The following ENO4 variants were observed in gnomAD, a reference collection of about 807,000 sequenced individuals.
ENO4 encodes the protein 2-phospho-D-glycerate hydro-lyase.
In ENO4, 53 loss-of-function variants were observed where a neutral mutation model predicts 63.2. The ratio of observed to expected loss-of-function variants is 0.84; its 90% confidence interval spans 0.67 to 1.05. The LOEUF is 1.05. ENO4 is among the 50% of genes least tolerant of loss of function. The pLI is 0.00. For missense variants in ENO4, 719 were observed against 772.0 expected, an observed-to-expected ratio of 0.93 and a Z score of 0.81; for synonymous variants, 266 against 283.8, an observed-to-expected ratio of 0.94 and a Z score of 0.63.
chr10:116,868,184 G>A (rs1405688423), intron 7 of ENO4, among the ~76,000 whole-genome samples: 1 of 152,190 alleles, frequency 6.6e-6, no homozygotes, highest in Admixed American at 6.5e-5. Context: ...CCCTGCAGGA[G>A]AAAGTGTTTG....
intron 10 of ENO4, among the ~76,000 whole-genome samples, chr10:116,904,578 C>A (rs946644463): frequency 6.6e-5 from 10 of 152,056 alleles, no homozygotes; most frequent in Admixed American, 3.3e-4. Flanking sequence ...AACGATTCTA[C>A]TGAAAATGTA....
downstream of ENO4, chr10:116,884,160 TA>T (rs2133290802): frequency 2.2e-6 from 1 of 453,758 alleles, no homozygotes; most frequent in South Asian, 1.6e-5. Flanking sequence ...AAGCAGGACG[TA>T]TGTAAGTTTT....
At chr10:116,858,150 C>T (rs779604707) in intron 3 of ENO4, among the ~76,000 whole-genome samples, 30 of 152,082 alleles carry the variant, frequency 2.0e-4, no homozygotes, top group Admixed American at 6.6e-4. Flanking sequence ...TTCTGTAGAC[C>T]AACTACAGAG....
chr10:116,879,101 C>G (rs1334731969), intron 11 of ENO4, among the ~76,000 whole-genome samples, 190 bp from the exon 12 acceptor site: 1 of 152,016 alleles, frequency 6.6e-6, no homozygotes, highest in African/African-American at 2.4e-5. Context: ...AGCATCTAAG[C>G]TACTGAAATT....
chr10:116,881,541 T>TA lies in ENO4; in HGVS notation c.1751dup (p.Tyr584Ter). ...LGFKEEHTFF[Y>*]FNEEAEKAAE... ...TTTCAAAGAAGAACACACTTTTTTT[T>TA]ACTTTAATGAGGAAGCTGAAAAGGC... is the stretch of plus-strand genomic sequence containing the variant. Residue 584 changes from tyrosine (Y) to a stop codon, truncating the protein, a stop_gained and frameshift_variant, in exon 14 of 14, where the codon TAC (tyrosine) becomes TAAC (stop). Transcript: ENST00000341276. LOFTEE classifies it low-confidence loss of function (END_TRUNC). 1 of 1,546,126 alleles carries TA rather than the reference T, an allele frequency of 6.5e-7. No individual in the cohort carries two copies.
chr10:116,873,795 C>T, intron 9 of ENO4: 1 of 836,194 alleles, frequency 1.2e-6, no homozygotes, highest in South Asian at 5.5e-5. Context: ...GATTATTCCC[C>T]TCCTACTCTG....
intron 13 of ENO4, among the ~76,000 whole-genome samples, chr10:116,880,239 A>G (rs924696121): frequency 1.3e-5 from 2 of 152,204 alleles, no homozygotes; most frequent in African/African-American, 4.8e-5. Flanking sequence ...AATAGAATTA[A>G]TTGATTGGAA....
intron 10 of ENO4, among the ~76,000 whole-genome samples, chr10:116,902,232 C>T (rs553930225): frequency 1.8e-4 from 28 of 152,286 alleles, no homozygotes; most frequent in Non-Finnish European, 2.9e-4. Flanking sequence ...CAGGGTCCTT[C>T]GTAATACTGG....
rs1210064873 is a variant in ENO4, at chr10:116,856,669, G to A, written c.472G>A (p.Asp158Asn). The A allele has an allele frequency of 3.3e-6, 5 of 1,529,738 alleles. No individual in the cohort carries two copies. The highest frequency in any genetic ancestry group is 4.4e-6 in the Non-Finnish European group (5 of 1,144,354). The allele number at this position is 1,529,738 out of a possible 1,614,324, so 94.8% of individuals were successfully genotyped here. A position where few individuals can be genotyped will look rare whatever the true frequency, so the allele number is the denominator to read the frequency against. The part of the protein sequence containing the change: ...GMAPSDQAEV[D>N]HLLRIFFASK... ...GGCACCCTCTGACCAGGCAGAGGTGGATCACCTACTCAGGTACAGTTTCCA... is the reference window on the plus strand; with the variant it reads ...GGCACCCTCTGACCAGGCAGAGGTGAATCACCTACTCAGGTACAGTTTCCA... Residue 158 changes from aspartate (D) to asparagine (N), a missense_variant, in exon 3 of 14, where the codon GAT becomes AAT. Around this residue, in one of 3 missense-constraint regions of ENO4, gnomAD observed 544 missense variants for 583.6 expected, o/e 0.93. Coordinates refer to ENST00000341276, the MANE Select transcript of ENO4 (RefSeq NM_001242699.2).
At chr10:116,886,210 T>C (rs928123225), downstream of ENO4, 2 of 1,250,614 alleles carry the variant, frequency 1.6e-6, no homozygotes, top group East Asian at 2.5e-5. Context: ...CTTACAAAAG[T>C]GACACCAGAA....
At chr10:116,873,907 T>C in intron 9 of ENO4, 169 bp from the exon 10 acceptor site, 1 of 982,242 alleles carries the variant, frequency 1.0e-6, no homozygotes, top group Non-Finnish European at 1.2e-6. Flanking sequence ...GGTTAATATT[T>C]AAGATATTTA....
intron 10 of ENO4, among the ~76,000 whole-genome samples, chr10:116,874,444 C>T (rs1846776186): frequency 2.0e-5 from 3 of 152,096 alleles, no homozygotes; most frequent in Admixed American, 1.3e-4. Flanking sequence ...ACACAATTAC[C>T]TAGGAGTGTG....
chr10:116,855,570 C>T (rs1846237889), intron 1 of ENO4, 53 bp from the exon 2 acceptor site: 1 of 1,533,850 alleles, frequency 6.5e-7, no homozygotes, highest in African/African-American at 1.4e-5. Flanking sequence ...TGACTTTTTT[C>T]CCCAAACAAC....
At chr10:116,904,666 C>T (rs1012573171) in intron 10 of ENO4, among the ~76,000 whole-genome samples, 1 of 152,068 alleles carries the variant, frequency 6.6e-6, no homozygotes, top group Non-Finnish European at 1.5e-5. Flanking sequence ...GAAAAATTCC[C>T]ACCATGTTCA....
In ENO4 at chr10:116,869,904, G is replaced by GGTC. The variant is rs1846643430; in HGVS notation, c.1047+1198_1047+1199insGTC. ...AACTTAGTTAACTCCGTAAAATGGAGATCATAATATCTTTGTATGATGTAA... is the reference window on the plus strand; with the variant it reads ...AACTTAGTTAACTCCGTAAAATGGAGGTCATCATAATATCTTTGTATGATGTAA... On this transcript the variant is annotated intron_variant, in intron 8 of 13. Coordinates refer to ENST00000341276, the MANE Select transcript of ENO4 (RefSeq NM_001242699.2). Among the ~76,000 whole-genome samples the GGTC allele has an allele frequency of 1.6e-3, 3 of 1,842 alleles. No homozygotes were observed. In the Admixed American group the frequency reaches 0.029, roughly 18 times the overall value. 1.2% of individuals were successfully genotyped at this position (1,842 alleles called of 152,430 possible).
downstream of ENO4, chr10:116,886,262 T>C (rs1384185944): frequency 6.5e-6 from 10 of 1,535,970 alleles, no homozygotes; most frequent in South Asian, 3.6e-5. Context: ...GCAGAATGTC[T>C]ACAGCCCTTG....
chr10:116,861,649 A>G (rs1393647482), intron 6 of ENO4, among the ~76,000 whole-genome samples: 1 of 152,136 alleles, frequency 6.6e-6, no homozygotes, highest in African/African-American at 2.4e-5. Flanking sequence ...CAGGTTCACC[A>G]CTCAGAGGTG....
chr10:116,881,525 A>C lies in ENO4; in HGVS notation c.1734A>C (p.Glu578Asp). Residue 578 changes from glutamate (E) to aspartate (D), a missense_variant, in exon 14 of 14, where the codon GAA (glutamate) becomes GAC (aspartate). By Grantham distance (45) the Glu-to-Asp change is conservative. Transcript: ENST00000341276. Reference sequence around the variant, plus strand: ...TGTTACTTTAAATAGGTTTCAAAGAAGAACACACTTTTTTTTACTTTAATG... The same window carrying C: ...TGTTACTTTAAATAGGTTTCAAAGACGAACACACTTTTTTTTACTTTAATG... ...LVQNGTLGFK[E>D]EHTFFYFNEE... 1.9e-6 allele frequency: 3 copies of C among 1,542,362 alleles called. No individual in the cohort carries two copies. Among genetic ancestry groups the C allele is most frequent in the Non-Finnish European group, 2.6e-6 (3 of 1,144,230 alleles).
In ENO4 at chr10:116,849,678, G is replaced by C. The variant is rs1167802440; in HGVS notation, c.112G>C (p.Glu38Gln). 1.3e-6 allele frequency: 2 copies of C among 1,549,532 alleles called. No homozygotes were observed. Among genetic ancestry groups the C allele is most frequent in the Admixed American group, 2.0e-5 (1 of 50,898 alleles). The change falls in exon 1 of 14, where the codon GAG (glutamate) becomes CAG (glutamine). Residue 38 changes from glutamate (E) to glutamine (Q), a missense_variant. Physicochemically the swap from Glu to Gln is conservative, Grantham distance 29 (BLOSUM62 2). This residue lies in a region of ENO4 where 544 missense variants were observed against 583.6 expected (regional missense o/e 0.93). Coordinates refer to ENST00000341276, the MANE Select transcript of ENO4 (RefSeq NM_001242699.2). ...GAACGACGTTCCGCGCAGGCTGGAA[G>C]AGCTGCTCAACTCCACCTTCTACCT... Reference protein sequence around the residue: ...RENDVPRRLEELLNSTFYLQP... With the variant: ...RENDVPRRLEQLLNSTFYLQP...
Sources: allele counts gnomAD v4.1 joint callset (sites outside exome capture counted in the v4.1 genomes callset), GRCh38; gene constraint gnomAD v4.1.1; regional missense constraint gnomAD v4.1.1; transcripts MANE v1.5; gene names NCBI Gene and HGNC (gene_info 2026-07-23, HGNC 2026-07-21).